ANKRD24: variants seen among roughly 807,000 people sequenced by gnomAD.
ANKRD24 encodes the protein ankyrin repeat domain 24.
ANKRD24 carries 109 observed loss-of-function variants against 127.8 expected under a neutral mutation model. That is an observed-to-expected ratio of 0.85 (90% CI 0.73 to 1.00). The LOEUF (loss-of-function observed/expected upper bound fraction) is 1.00. ANKRD24 is among the 50% of genes least tolerant of loss of function. ANKRD24 has a pLI of 0.00. For synonymous variants in ANKRD24, 743 were observed against 671.1 expected (o/e 1.11, Z -1.66); for missense variants, 1,648 against 1,570.2 (o/e 1.05, Z -0.84).
At chr19:4,185,010 GGGTGGATGGAGGGATGGATA>G (rs1967979165) in intron 1 of ANKRD24, among the ~76,000 whole-genome samples, 2 of 149,800 alleles carry the variant, frequency 1.3e-5, no homozygotes, top group African/African-American at 4.9e-5. Context: ...GTGGTTGGGT[GGGTGGATGGAGGGATGGATA>G]AGTGGATGGA....
chr19:4,218,594 C>G (rs1415506621), intron 18 of ANKRD24, among the ~76,000 whole-genome samples: 1 of 152,064 alleles, frequency 6.6e-6, no homozygotes, highest in Non-Finnish European at 1.5e-5. Flanking sequence ...GCCTCCGCAC[C>G]TGGCCTTGAA....
At chr19:4,201,135 CGAG>C (rs983284077) in intron 5 of ANKRD24, among the ~76,000 whole-genome samples, 1 of 151,738 alleles carries the variant, frequency 6.6e-6, no homozygotes, top group South Asian at 2.1e-4. Flanking sequence ...AGCTGGGTTA[CGAG>C]GAGAACTTGT....
At chr19:4,192,271 T>C (rs1968426153) in intron 2 of ANKRD24, among the ~76,000 whole-genome samples, 1 of 152,130 alleles carries the variant, frequency 6.6e-6, no homozygotes, top group Non-Finnish European at 1.5e-5. Flanking sequence ...AGTGGGAAGA[T>C]TGGGGTTTCT....
At chr19:4,202,998 G>C in intron 7 of ANKRD24, 72 bp downstream of exon 7, 2 of 1,349,460 alleles carry the variant, frequency 1.5e-6, no homozygotes. Context: ...TTCTGCCCAG[G>C]GCCCTAGGGA....
chr19:4,189,331 C>G (rs1968251774), intron 2 of ANKRD24, among the ~76,000 whole-genome samples: 1 of 146,052 alleles, frequency 6.8e-6, no homozygotes, highest in Non-Finnish European at 1.5e-5. Context: ...CTGCAAGCTC[C>G]ACTTCCTGGA....
chr19:4,216,078 C>T, intron 16 of ANKRD24, 28 bp downstream of exon 16: 1 of 1,568,618 alleles, frequency 6.4e-7, no homozygotes, highest in Non-Finnish European at 8.6e-7. Flanking sequence ...CACGCACTCC[C>T]AGCCGCCTTG....
At chr19:4,219,517 A>T in intron 18 of ANKRD24, 74 bp from the exon 19 acceptor site, 1 of 1,486,228 alleles carries the variant, frequency 6.7e-7, no homozygotes, top group Non-Finnish European at 9.1e-7. Flanking sequence ...AAGTAGAAGG[A>T]TCATATGAAT....
In ANKRD24 at chr19:4,207,791, A is replaced by G. The variant is rs930862039; in HGVS notation, c.655A>G (p.Met219Val). The change falls in exon 10 of 22, where the codon ATG becomes GTG. Residue 219 changes from methionine to valine, a missense_variant. Transcript: ENST00000318934. ...CCCCTCCCCTGGTAGGACGGCCCTG[A>G]TGCTGGCCTGTGAGGGGGCCAGCCC... The part of the protein sequence containing the change: ...DQDLQGRTAL[M>V]LACEGASPET... 1 of 1,573,294 alleles carries G rather than the reference A, an allele frequency of 6.4e-7. No homozygotes were observed. The highest frequency in any genetic ancestry group is 8.6e-7 in the Non-Finnish European group (1 of 1,159,812).
At chr19:4,224,371 A>C in intron 21 of ANKRD24, 57 bp from the exon 22 acceptor site, 2 of 1,569,186 alleles carry the variant, frequency 1.3e-6, no homozygotes, top group Non-Finnish European at 1.7e-6. Flanking sequence ...TGGTGGAGGG[A>C]CTTGGGGCAG....
Position 4,210,293 on chromosome 19 carries a change from T to C in ANKRD24, c.980T>C (p.Val327Ala), listed in dbSNP as rs772703111. 9 of 1,588,516 alleles carry C rather than the reference T, an allele frequency of 5.7e-6. No homozygotes were observed. In the South Asian group the frequency reaches 1.0e-4, roughly 18 times the overall value. The change falls in exon 13 of 22, where the codon GTG becomes GCG. Residue 327 changes from valine (V) to alanine (A), a missense_variant. Val to Ala is a moderately conservative substitution (Grantham distance 64). Transcript: ENST00000318934. ...GATCGAGATGCCTATGAGGAGATCG[T>C]GAGGCTGCGGCAGGAGAGGGGCCGC... ...PDDRDAYEEI[V>A]RLRQERGRLL...
chr19:4,207,486 C>T lies in ANKRD24; in HGVS notation c.538-15C>T. 1.2e-5 allele frequency: 20 copies of T among 1,612,458 alleles called. No individual in the cohort carries two copies. The highest frequency in any genetic ancestry group is 4.4e-5 in the South Asian group (4 of 91,066). On this transcript the variant is annotated splice_polypyrimidine_tract_variant and intron_variant, in intron 8 of 21. Transcript: ENST00000318934. ...CAGTTTCTCATGCCATCGCATCCCT[C>T]CTCCTCCCTACCAGTCAGGCGCAAC...
chr19:4,186,181 G>A (rs1218127984), intron 1 of ANKRD24: 35 of 1,185,010 alleles, frequency 3.0e-5, no homozygotes, highest in Non-Finnish European at 3.8e-5. Context: ...TTCTGTCACT[G>A]TATAGATGAG....
intron 1 of ANKRD24, among the ~76,000 whole-genome samples, chr19:4,185,748 G>A (rs982465061): frequency 6.6e-6 from 1 of 152,208 alleles, no homozygotes; most frequent in Non-Finnish European, 1.5e-5. Context: ...CCTCTGTGCT[G>A]AGAGCCGTCA....
chr19:4,219,876 G>A (rs1970353219), intron 19 of ANKRD24, 118 bp downstream of exon 19: 1 of 1,225,956 alleles, frequency 8.2e-7, no homozygotes, highest in Admixed American at 3.0e-5. Context: ...TTCCAGAAGG[G>A]AAACTGAGGC....
intron 2 of ANKRD24, among the ~76,000 whole-genome samples, chr19:4,189,236 CT>C (rs1383243945): frequency 9.9e-6 from 1 of 100,776 alleles, no homozygotes; most frequent in East Asian, 3.4e-4. Flanking sequence ...TTTAATTTTT[CT>C]TTCTTCTTTT....
At chr19:4,215,213 C>T (rs190557578) in intron 15 of ANKRD24, among the ~76,000 whole-genome samples, 6 of 152,254 alleles carry the variant, frequency 3.9e-5, no homozygotes, top group Non-Finnish European at 5.9e-5. Context: ...GGGGCAGGCT[C>T]GGTGGCTCAC....
rs1363426469 is a variant in ANKRD24, at chr19:4,195,136, G to A, written c.37-4547G>A. On this transcript the variant is annotated intron_variant, in intron 2 of 21. Coordinates refer to ENST00000318934, the MANE Select transcript of ANKRD24 (RefSeq NM_001393985.1). The surrounding 1 kb of genome is among the most constrained non-coding windows in gnomAD (Gnocchi z 4.2). ...CACCCAGGTTGGAGTGCAGTGGCAC[G>A]ACTTCTGCTCACTGCAAGCTCCGCC... is the stretch of plus-strand genomic sequence containing the variant. Among the ~76,000 whole-genome samples the A allele has an allele frequency of 2.6e-5, 4 of 151,912 alleles. No homozygotes were observed. Among genetic ancestry groups the A allele is most frequent in the African/African-American group, 7.3e-5 (3 of 41,368 alleles).
At chr19:4,203,563 G>C (rs1457914923) in intron 7 of ANKRD24, among the ~76,000 whole-genome samples, 2 of 151,928 alleles carry the variant, frequency 1.3e-5, no homozygotes, top group African/African-American at 4.8e-5. Context: ...TGCCCAGGCT[G>C]ATCTCAAACT....
intron 7 of ANKRD24, among the ~76,000 whole-genome samples, chr19:4,204,112 T>C (rs1297312697): frequency 6.6e-6 from 1 of 151,824 alleles, no homozygotes; most frequent in Non-Finnish European, 1.5e-5. Context: ...TACAGGCGCC[T>C]GCCACCATGC....
Sources: allele counts gnomAD v4.1 joint callset (sites outside exome capture counted in the v4.1 genomes callset), GRCh38; gene constraint gnomAD v4.1.1; non-coding constraint Gnocchi (gnomAD v3.1); transcripts MANE v1.5; gene names NCBI Gene and HGNC (gene_info 2026-07-23, HGNC 2026-07-21).